DDX5: variants seen among roughly 807,000 people sequenced by gnomAD.
The protein encoded by DDX5 is DEAD-box helicase 5.
Under a neutral mutation model 68.6 loss-of-function variants are expected in DDX5, and 6 were observed. The ratio of observed to expected loss-of-function variants is 0.09; its 90% CI spans 0.05 to 0.17. The LOEUF (loss-of-function observed/expected upper bound fraction) is 0.17. DDX5 is among the 10% of genes least tolerant of loss of function. The probability of loss-of-function intolerance (pLI) is 1.00; values close to 1 mark genes in which losing one functional copy is unlikely to be tolerated. For missense variants in DDX5, 499 were observed against 756.1 expected, an observed-to-expected ratio of 0.66 and a Z score of 3.99; for synonymous variants, 350 against 247.0, an observed-to-expected ratio of 1.42 and a Z score of -3.91.
In DDX5 at chr17:64,499,883, C is replaced by G. The variant is rs782695382; in HGVS notation, c.*40G>C. On this transcript the variant is annotated 3_prime_UTR_variant, in exon 13 of 13. Coordinates refer to ENST00000225792, the MANE Select transcript of DDX5 (RefSeq NM_004396.5). The stretch of plus-strand genomic sequence containing the variant: ...GTCAGATAACACACAATATAAAGAG[C>G]AATTATGAAAAACAGACATTTACAT... 1 of 1,505,986 alleles carries G rather than the reference C, an allele frequency of 6.6e-7. No individual in the cohort carries two copies. The highest frequency in any genetic ancestry group is 8.9e-7 in the Non-Finnish European group (1 of 1,124,732). The allele number at this position is 1,505,986 out of a possible 1,614,324, so 93.3% of individuals were successfully genotyped here. A position where few individuals can be genotyped will look rare whatever the true frequency, so the allele number is the denominator to read the frequency against.
At position 64,506,210 on chromosome 17, in the gene DDX5, G is replaced by C; in HGVS notation, c.-91C>G. On this transcript the variant is annotated 5_prime_UTR_variant, in exon 1 of 13. Coordinates refer to ENST00000225792, the MANE Select transcript of DDX5 (RefSeq NM_004396.5). ...ATGGCCTCGATGACGGCGAAGCCTT[G>C]CGGGGGCGGCAGCGGAGGAAGGACA... The C allele has an allele frequency of 6.4e-7, 1 of 1,563,488 alleles. No individual in the cohort carries two copies. Among genetic ancestry groups the C allele is most frequent in the Non-Finnish European group, 8.7e-7 (1 of 1,154,046 alleles).
chr17:64,502,820 A>G (rs192494692), intron 8 of DDX5, 106 bp downstream of exon 8: 15 of 1,174,834 alleles, frequency 1.3e-5, no homozygotes, highest in Non-Finnish European at 9.4e-6. Flanking sequence ...TAACTAAATG[A>G]AATCACACCA....
At chr17:64,503,895 C>G (rs1555671584) in intron 4 of DDX5, 27 bp from the exon 5 acceptor site, 2 of 1,613,870 alleles carry the variant, frequency 1.2e-6, no homozygotes, top group Non-Finnish European at 1.7e-6. Context: ...TGGGGACAAA[C>G]AGAAATCACA....
intron 5 of DDX5, 36 bp from the exon 6 acceptor site, chr17:64,503,607 G>A (rs782336645): frequency 3.1e-6 from 5 of 1,609,650 alleles, no homozygotes; most frequent in African/African-American, 2.7e-5. Flanking sequence ...CACAAACCTG[G>A]ATACTAGTTT....
chr17:64,506,172 C>A lies in DDX5; in HGVS notation c.-53G>T. On this transcript the variant is annotated 5_prime_UTR_variant, in exon 1 of 13. Coordinates refer to ENST00000225792, the MANE Select transcript of DDX5 (RefSeq NM_004396.5). Reference sequence around the variant, plus strand: ...ACGAAGTATATAGAAAAGCGTGCGACAAGTCGCTGGAAATGGCCTCGATGA... The same window carrying A: ...ACGAAGTATATAGAAAAGCGTGCGAAAAGTCGCTGGAAATGGCCTCGATGA... 2.5e-6 allele frequency: 4 copies of A among 1,595,068 alleles called. No homozygotes were observed. The highest frequency in any genetic ancestry group is 3.4e-6 in the Non-Finnish European group (4 of 1,171,020).
At position 64,498,979 on chromosome 17, in the gene DDX5, GAAT is replaced by G. The variant is rs1274751118; in HGVS notation, c.*941_*943del. ...AGTTTGAGGATCTCTAGAATTCCCT[GAAT>G]TATTGGAAAGACATTCATGACTCCC... On this transcript the variant is annotated 3_prime_UTR_variant, in exon 13 of 13. Transcript: ENST00000225792. Among the ~76,000 whole-genome samples, 2 of 152,148 alleles carry G rather than the reference GAAT, an allele frequency of 1.3e-5. No individual in the cohort carries two copies. The highest frequency in any genetic ancestry group is 2.9e-5 in the Non-Finnish European group (2 of 68,028).
chr17:64,506,032 A>ACCCCCCCCCCCCCCCCCCCCCCCCCCCCC, intron 1 of DDX5, 44 bp downstream of exon 1: 1 of 442,568 alleles, frequency 2.3e-6, no homozygotes, highest in South Asian at 3.9e-5. Context: ...CCGCCCTCCC[A>ACCCCCCCCCCCCCCCCCCCCCCCCCCCCC]TCCCCCCACC....
At position 64,503,473 on chromosome 17, in the gene DDX5, G is replaced by A. The variant is rs782584081; in HGVS notation, c.606C>T (p.Tyr202=). The A allele has an allele frequency of 2.4e-5, 38 of 1,614,062 alleles. No homozygotes were observed. Among genetic ancestry groups the A allele is most frequent in the Non-Finnish European group, 3.1e-5 (37 of 1,180,042 alleles). ...RACRLKSTCI[Y]GGAPKGPQIR... is the part of the protein sequence containing the mutation. Reference sequence around the variant, plus strand: ...TTTGTGGTCCCTTAGGAGCACCACCGTAGATACAAGTAGACTTCAAGCGAC... The same window carrying A: ...TTTGTGGTCCCTTAGGAGCACCACCATAGATACAAGTAGACTTCAAGCGAC... Residue 202 remains tyrosine, a synonymous_variant, in exon 6 of 13, where the codon TAC becomes TAT. Transcript: ENST00000225792.
chr17:64,506,695 A>G (rs2038546109), upstream of DDX5: 1 of 378,260 alleles, frequency 2.6e-6, no homozygotes, highest in Non-Finnish European at 4.9e-6. Context: ...CCACCGAGAG[A>G]GCGGTCCGCA....
At chr17:64,504,349 T>G (rs782117481) in intron 2 of DDX5, 31 bp from the exon 3 acceptor site, 7 of 1,571,518 alleles carry the variant, frequency 4.5e-6, no homozygotes, top group Non-Finnish European at 6.1e-6. Flanking sequence ...GTCTTAAAAT[T>G]CATGACAACC....
chr17:64,505,887 A>C, intron 1 of DDX5, 189 bp downstream of exon 1: 1 of 1,535,760 alleles, frequency 6.5e-7, no homozygotes, highest in Non-Finnish European at 8.7e-7. Context: ...GCTTGAAGAC[A>C]CTACACCGTC....
intron 11 of DDX5, chr17:64,501,696 G>A (rs1317579717): frequency 2.4e-6 from 1 of 412,516 alleles, no homozygotes; most frequent in Admixed American, 4.0e-5. Context: ...TGAACTGTGA[G>A]GATAACTTCC....
intron 12 of DDX5, 66 bp from the exon 13 acceptor site, chr17:64,500,392 A>G (rs781977822): frequency 2.6e-5 from 40 of 1,553,252 alleles, no homozygotes; most frequent in Non-Finnish European, 3.1e-5. Flanking sequence ...GGACAGAAAG[A>G]AACAGATCTA....
chr17:64,505,852 TCCC>T (rs1190518624), intron 1 of DDX5: 47 of 1,535,672 alleles, frequency 3.1e-5, no homozygotes, highest in Non-Finnish European at 3.8e-5. Flanking sequence ...CCCCGACAGC[TCCC>T]CAATCCCCAC....
Position 64,498,479 on chromosome 17 carries a change from C to G in DDX5, c.*1444G>C, listed in dbSNP as rs1555670216. Among the ~76,000 whole-genome samples, 1 of 152,190 alleles carries G rather than the reference C, an allele frequency of 6.6e-6. No individual in the cohort carries two copies. On this transcript the variant is annotated 3_prime_UTR_variant, in exon 13 of 13. Transcript: ENST00000225792. The stretch of plus-strand genomic sequence containing the variant: ...CTACCCTCTCCCCCGAAAGCTGCTT[C>G]TAAGTTTAAAACCATGAATTTGACT...
At chr17:64,504,149 A>G in intron 3 of DDX5, 33 bp from the exon 4 acceptor site, 1 of 1,613,338 alleles carries the variant, frequency 6.2e-7, no homozygotes, top group Admixed American at 1.7e-5. Flanking sequence ...AGTAAAAATT[A>G]GTGATGCCAA....
intron 1 of DDX5, chr17:64,505,626 T>C: frequency 9.1e-7 from 1 of 1,093,276 alleles, no homozygotes; most frequent in African/African-American, 1.6e-5. Flanking sequence ...TACTCGCGAC[T>C]CAGCCACATG....
In DDX5 at chr17:64,503,412, A is replaced by G; in HGVS notation, c.649+18T>C. On this transcript the variant is annotated intron_variant, in intron 6 of 12. Coordinates refer to ENST00000225792, the MANE Select transcript of DDX5 (RefSeq NM_004396.5). ...ATATTTAGCACCAATGACAAATAAA[A>G]CCCTTTTCATTACATACCTCTCTCC... is the stretch of plus-strand genomic sequence containing the variant. The G allele has an allele frequency of 6.2e-7, 1 of 1,614,012 alleles. No homozygotes were observed. Among genetic ancestry groups the G allele is most frequent in the Middle Eastern group, 1.6e-4 (1 of 6,062 alleles).
chr17:64,505,052 A>G (rs2038404011), intron 1 of DDX5: 2 of 451,566 alleles, frequency 4.4e-6, no homozygotes, highest in Non-Finnish European at 7.7e-6. Context: ...TAGGTCATGT[A>G]AACAGCCTGG....
Sources: gnomAD v4.1 joint callset for allele counts (sites outside exome capture counted in the v4.1 genomes callset) on GRCh38, gnomAD v4.1.1 for gene constraint, MANE v1.5 for transcripts, NCBI Gene and HGNC (gene_info 2026-07-23, HGNC 2026-07-21) for gene names.